Variants in BBX observed in about 807,000 individuals in gnomAD.
BBX encodes the protein BBX high mobility group box domain containing, also known as HMG box transcription factor BBX.
In BBX, 30 loss-of-function variants were observed where a neutral mutation model predicts 100.2. The ratio of observed to expected loss-of-function variants is 0.30; its 90% CI spans 0.22 to 0.41. The LOEUF is 0.41. Among genes scored for constraint, BBX ranks in the 10% least tolerant of loss-of-function variants. The pLI, the probability that BBX is intolerant of heterozygous loss-of-function variation, is 1.00. For synonymous variants in BBX, 376 were observed against 388.1 expected (o/e 0.97, Z 0.37); for missense variants, 1,023 against 1,129.8 (o/e 0.91, Z 1.35).
intron 2 of BBX, among the ~76,000 whole-genome samples, chr3:107,554,985 T>A (rs1265658860): frequency 6.6e-6 from 1 of 150,834 alleles, no homozygotes; most frequent in East Asian, 2.0e-4. Flanking sequence ...GGAGAATCGC[T>A]TGAACCTGGG....
intron 3 of BBX, among the ~76,000 whole-genome samples, chr3:107,648,051 T>TA (rs1482357588): frequency 2.0e-5 from 3 of 152,064 alleles, no homozygotes; most frequent in African/African-American, 7.3e-5. Flanking sequence ...GAAAGACTGA[T>TA]AGGGAGAAAC....
chr3:107,591,323 T>C (rs939044303), intron 2 of BBX, among the ~76,000 whole-genome samples: 5 of 152,158 alleles, frequency 3.3e-5, no homozygotes, highest in Non-Finnish European at 7.3e-5. Context: ...TGAAGAAAGT[T>C]ACAAAACTTA....
At chr3:107,651,510 A>G (rs1359118607) in intron 3 of BBX, among the ~76,000 whole-genome samples, 1 of 152,208 alleles carries the variant, frequency 6.6e-6, no homozygotes, top group Non-Finnish European at 1.5e-5. Flanking sequence ...AATGTATTTG[A>G]AAATTAAGTT....
At chr3:107,741,783 A>G (rs1382469574) in intron 7 of BBX, among the ~76,000 whole-genome samples, 1 of 152,220 alleles carries the variant, frequency 6.6e-6, no homozygotes, top group Non-Finnish European at 1.5e-5. Flanking sequence ...ACATTTCACA[A>G]CATCTAGAAC....
At chr3:107,631,538 T>C (rs1008507794) in intron 2 of BBX, among the ~76,000 whole-genome samples, 6 of 124,218 alleles carry the variant, frequency 4.8e-5, no homozygotes, top group African/African-American at 1.7e-4. Flanking sequence ...TTGCTTAGAA[T>C]TAGTTAAAAA....
rs191869730 is a variant in BBX at position 107,772,854 on chromosome 3, T to G, written c.1133T>G (p.Ile378Arg). The stretch of plus-strand genomic sequence containing the variant: ...TTGAGAAATTTTGAGGCATTGCAAA[T>G]AGATGACATAATGGCTATAAAAATG... ...KELRNFEALQ[I>R]DDIMAIKMED... The change falls in exon 11 of 18, where the codon ATA (isoleucine) becomes AGA (arginine). Residue 378 changes from isoleucine (I) to arginine (R), a missense_variant. Physicochemically the swap from Ile to Arg is moderately conservative, Grantham distance 97. Coordinates refer to ENST00000325805, the MANE Select transcript of BBX (RefSeq NM_001142568.3). 108 of 1,613,488 alleles carry G rather than the reference T, an allele frequency of 6.7e-5. No homozygotes were observed. In the East Asian group the frequency reaches 2.3e-3, roughly 35 times the overall value.
At chr3:107,626,629 C>T (rs957181509) in intron 2 of BBX, among the ~76,000 whole-genome samples, 4 of 151,176 alleles carry the variant, frequency 2.6e-5, no homozygotes, top group Non-Finnish European at 4.4e-5. Flanking sequence ...TATGAGTTTC[C>T]TCACCATGTG....
chr3:107,584,973 G>A (rs537106212), intron 2 of BBX, among the ~76,000 whole-genome samples: 3 of 152,034 alleles, frequency 2.0e-5, no homozygotes, highest in East Asian at 3.9e-4. Context: ...CACCACCCCC[G>A]GCCTCAGTTG....
At chr3:107,560,723 G>T (rs1034146080) in intron 2 of BBX, among the ~76,000 whole-genome samples, 4 of 152,164 alleles carry the variant, frequency 2.6e-5, no homozygotes, top group African/African-American at 9.7e-5. Flanking sequence ...GCCAAGGATT[G>T]TAAGTAAATT....
chr3:107,719,419 A>G (rs952310629), intron 5 of BBX, among the ~76,000 whole-genome samples: 1 of 151,996 alleles, frequency 6.6e-6, no homozygotes, highest in Non-Finnish European at 1.5e-5. Flanking sequence ...GAGTAATAAT[A>G]CAATTTTGAA....
intron 7 of BBX, among the ~76,000 whole-genome samples, chr3:107,736,737 A>G (rs1456977004): frequency 6.6e-6 from 1 of 152,140 alleles, no homozygotes; most frequent in Non-Finnish European, 1.5e-5. Flanking sequence ...GTTATTCACC[A>G]TGTCATGTAT....
intron 2 of BBX, among the ~76,000 whole-genome samples, chr3:107,611,664 C>G (rs1244085456): frequency 6.6e-6 from 1 of 152,088 alleles, no homozygotes. Flanking sequence ...AGGATCCTTT[C>G]TTTACCCTTG....
intron 2 of BBX, among the ~76,000 whole-genome samples, chr3:107,602,803 G>A (rs1252724204): frequency 2.6e-5 from 4 of 152,208 alleles, no homozygotes; most frequent in Admixed American, 2.0e-4. Flanking sequence ...TTGTGGATGA[G>A]CAAAGAAACT....
At chr3:107,637,532 G>C (rs2056924536) in intron 2 of BBX, among the ~76,000 whole-genome samples, 1 of 152,180 alleles carries the variant, frequency 6.6e-6, no homozygotes, top group Non-Finnish European at 1.5e-5. Flanking sequence ...AGTAGCCCTG[G>C]GTTCTGGCCT....
chr3:107,723,567 C>T, intron 5 of BBX, among the ~76,000 whole-genome samples: 1 of 152,012 alleles, frequency 6.6e-6, no homozygotes, highest in East Asian at 1.9e-4. Context: ...TGCCTCTCCC[C>T]ACCCCACAAC....
intron 2 of BBX, among the ~76,000 whole-genome samples, chr3:107,644,027 C>T (rs2057375338): frequency 6.6e-6 from 1 of 152,190 alleles, no homozygotes; most frequent in Admixed American, 6.5e-5. Context: ...TCTCCTCTCT[C>T]ACCCCTCTGC....
chr3:107,706,483 G>T (rs1400407784), intron 3 of BBX, among the ~76,000 whole-genome samples: 2 of 151,984 alleles, frequency 1.3e-5, no homozygotes, highest in Admixed American at 1.3e-4. Flanking sequence ...TTTTCACAAG[G>T]TAAATTTTGG....
chr3:107,532,703 T>A (rs548705949), intron 2 of BBX, among the ~76,000 whole-genome samples: 1 of 152,346 alleles, frequency 6.6e-6, no homozygotes, highest in East Asian at 1.9e-4. Context: ...ACTGTCGTAC[T>A]CAAATACACA....
At chr3:107,636,406 G>A (rs1262983966) in intron 2 of BBX, among the ~76,000 whole-genome samples, 1 of 152,202 alleles carries the variant, frequency 6.6e-6, no homozygotes, top group Non-Finnish European at 1.5e-5. Context: ...CTTAAGAAAA[G>A]CTAATATGGA....
Sources: allele counts gnomAD v4.1 joint callset (sites outside exome capture counted in the v4.1 genomes callset), GRCh38; gene constraint gnomAD v4.1.1; transcripts MANE v1.5; gene names NCBI Gene and HGNC (gene_info 2026-07-23, HGNC 2026-07-21).